ABRACL: variants seen among roughly 807,000 people sequenced by gnomAD.
ABRACL encodes the protein costars family protein ABRACL.
Under a neutral mutation model 7.0 loss-of-function variants are expected in ABRACL, and 4 were observed. The ratio of observed to expected loss-of-function variants is 0.57; its 90% CI spans 0.28 to 1.30. The LOEUF (loss-of-function observed/expected upper bound fraction) is 1.30, where lower values mean the gene tolerates loss of function less well. Among genes scored for constraint, ABRACL ranks in the 50% most tolerant of loss-of-function variants. ABRACL has a pLI of 0.10. For synonymous variants in ABRACL, 30 were observed against 36.0 expected (o/e 0.83, Z 0.60); for missense variants, 104 against 97.3 (o/e 1.07, Z -0.29).
chr6:139,030,850 C>A (rs1786071545), intron 1 of ABRACL, among the ~76,000 whole-genome samples: 2 of 152,130 alleles, frequency 1.3e-5, no homozygotes, highest in Admixed American at 6.5e-5. Flanking sequence ...TAAATAAATG[C>A]CTTGCAAGGT....
intron 2 of ABRACL, 23 bp downstream of exon 2, chr6:139,034,244 G>T: frequency 6.2e-7 from 1 of 1,614,196 alleles, no homozygotes; most frequent in African/African-American, 1.3e-5. Context: ...CAGAGATAGA[G>T]TATTTCTCCT....
At chr6:139,035,835 C>T (rs1237207735) in intron 2 of ABRACL, among the ~76,000 whole-genome samples, 1 of 150,178 alleles carries the variant, frequency 6.7e-6, no homozygotes, top group African/African-American at 2.4e-5. Flanking sequence ...GGCGCAGTGG[C>T]TCACGCCTGT....
At chr6:139,035,295 C>G (rs955613528) in intron 2 of ABRACL, among the ~76,000 whole-genome samples, 1 of 152,146 alleles carries the variant, frequency 6.6e-6, no homozygotes, top group Non-Finnish European at 1.5e-5. Context: ...AGTTTGACAA[C>G]GGTCCTGCTG....
At chr6:139,032,806 G>T (rs2114300189) in intron 1 of ABRACL, among the ~76,000 whole-genome samples, 1 of 152,322 alleles carries the variant, frequency 6.6e-6, no homozygotes, top group Middle Eastern at 3.4e-3. Flanking sequence ...TCCTGCAGGT[G>T]TACTTCCAAT....
At chr6:139,032,872 C>T (rs1194875917) in intron 1 of ABRACL, among the ~76,000 whole-genome samples, 2 of 152,178 alleles carry the variant, frequency 1.3e-5, no homozygotes, top group East Asian at 3.8e-4. Flanking sequence ...TTTCTTTACC[C>T]TCTACTCTTA....
chr6:139,042,754 C>G lies in ABRACL; in HGVS notation c.97C>G (p.Leu33Val). The G allele has an allele frequency of 1.2e-6, 2 of 1,611,804 alleles. No individual in the cohort carries two copies. Among genetic ancestry groups the G allele is most frequent in the Non-Finnish European group, 8.5e-7 (1 of 1,179,236 alleles). ...AAAGTTAAGCGTGAAATTTGGGGTCCTCTTCCGTGATGATAAATGTGCCAA... is the reference window on the plus strand; with the variant it reads ...AAAGTTAAGCGTGAAATTTGGGGTCGTCTTCCGTGATGATAAATGTGCCAA... ...DGKLSVKFGV[L>V]FRDDKCANLF... The change falls in exon 3 of 3, where the codon CTC becomes GTC. Residue 33 changes from leucine to valine, a missense_variant. Leu to Val is a conservative substitution (Grantham distance 32, BLOSUM62 1). Transcript: ENST00000367660.
At chr6:139,030,495 T>C (rs193281920) in intron 1 of ABRACL, among the ~76,000 whole-genome samples, 6 of 152,340 alleles carry the variant, frequency 3.9e-5, no homozygotes, top group Admixed American at 3.9e-4. Flanking sequence ...CATGGGTCTT[T>C]AAAGGATTGT....
chr6:139,041,837 G>A (rs1336031410), intron 2 of ABRACL, among the ~76,000 whole-genome samples: 1 of 152,096 alleles, frequency 6.6e-6, no homozygotes, highest in East Asian at 1.9e-4. Context: ...TCTGCCCCTA[G>A]TGTCTAACAC....
intron 1 of ABRACL, among the ~76,000 whole-genome samples, chr6:139,032,268 C>T (rs551969056): frequency 6.6e-6 from 1 of 152,294 alleles, no homozygotes; most frequent in South Asian, 2.1e-4. Flanking sequence ...CCGGGCTTTC[C>T]TACTTTTATT....
intron 2 of ABRACL, 164 bp downstream of exon 2, chr6:139,034,385 A>C: frequency 6.4e-7 from 1 of 1,552,458 alleles, no homozygotes; most frequent in Non-Finnish European, 8.7e-7. Context: ...CCAGGAATTG[A>C]CATCTGGAGA....
intron 1 of ABRACL, among the ~76,000 whole-genome samples, chr6:139,031,479 C>T (rs1159492150): frequency 6.6e-6 from 1 of 152,024 alleles, no homozygotes; most frequent in Admixed American, 6.6e-5. Flanking sequence ...CTTTAGAGTG[C>T]AAGTAATAGA....
chr6:139,041,531 A>ATTTTTTTTTTT (rs1554211161), intron 2 of ABRACL, among the ~76,000 whole-genome samples: 12 of 126,038 alleles, frequency 9.5e-5, no homozygotes, highest in African/African-American at 2.8e-4. Flanking sequence ...ATATATATAT[A>ATTTTTTTTTTT]TTTTTTTTTA....
chr6:139,038,634 CA>C (rs1786200012), intron 2 of ABRACL, among the ~76,000 whole-genome samples: 1 of 152,094 alleles, frequency 6.6e-6, no homozygotes, highest in South Asian at 2.1e-4. Context: ...TTTCATTCAA[CA>C]AATTTTTTTT....
At chr6:139,029,210 G>A (rs993255411) in intron 1 of ABRACL, among the ~76,000 whole-genome samples, 2 of 152,168 alleles carry the variant, frequency 1.3e-5, no homozygotes, top group Non-Finnish European at 2.9e-5. Flanking sequence ...GGTGGTTCAG[G>A]AGCCAGTTCT....
At chr6:139,032,908 C>T (rs1422324954) in intron 1 of ABRACL, among the ~76,000 whole-genome samples, 2 of 152,158 alleles carry the variant, frequency 1.3e-5, no homozygotes, top group African/African-American at 4.8e-5. Context: ...GAGCAGTGAG[C>T]ATTATAGTCA....
chr6:139,029,028 C>T (rs6902369), intron 1 of ABRACL, among the ~76,000 whole-genome samples, 153 bp downstream of exon 1: 77,886 of 151,880 alleles, frequency 0.51, 19,968 homozygotes, highest in South Asian at 0.61. Context: ...CCGGCTGGGC[C>T]GAGACCTCGC....
At chr6:139,032,922 C>A (rs1786103509) in intron 1 of ABRACL, among the ~76,000 whole-genome samples, 1 of 152,194 alleles carries the variant, frequency 6.6e-6, no homozygotes, top group Non-Finnish European at 1.5e-5. Flanking sequence ...ATAGTCAGAT[C>A]CCTGCAGAGG....
At chr6:139,038,368 C>G (rs751286739) in intron 2 of ABRACL, among the ~76,000 whole-genome samples, 2 of 152,182 alleles carry the variant, frequency 1.3e-5, no homozygotes, top group Non-Finnish European at 2.9e-5. Context: ...CCTTGACTTT[C>G]TCATTCCTGG....
Position 139,031,614 on chromosome 6 carries a change from C to G in ABRACL, c.-6-2541C>G, listed in dbSNP as rs145254569. ...ACATTTCTTTGTGTTAGCTTTACTC[C>G]TGGCAAGCTGTTCTCACATGGTGGC... is the stretch of plus-strand genomic sequence containing the variant. On this transcript the variant is annotated intron_variant, in intron 1 of 2. Coordinates refer to ENST00000367660, the MANE Select transcript of ABRACL (RefSeq NM_021243.3). Among the ~76,000 whole-genome samples the G allele has an allele frequency of 4.1e-3, 632 of 152,338 alleles. 5 individuals are homozygous for G. The highest frequency in any genetic ancestry group is 0.014 in the African/African-American group (594 of 41,576).
Sources: allele counts gnomAD v4.1 joint callset (sites outside exome capture counted in the v4.1 genomes callset), GRCh38; gene constraint gnomAD v4.1.1; transcripts MANE v1.5; gene names NCBI Gene and HGNC (gene_info 2026-07-23, HGNC 2026-07-21).